PTK2: variants seen among roughly 807,000 people sequenced by gnomAD.
PTK2 encodes protein tyrosine kinase 2.
Under a neutral mutation model 150.1 loss-of-function variants are expected in PTK2, and 45 were observed. The ratio of observed to expected loss-of-function variants is 0.30; its 90% CI spans 0.24 to 0.38. The LOEUF (loss-of-function observed/expected upper bound fraction) is 0.38, where lower values mean the gene tolerates loss of function less well. Among genes scored for constraint, PTK2 ranks in the 10% least tolerant of loss-of-function variants. The pLI is 1.00. For synonymous variants in PTK2, 432 were observed against 449.2 expected (o/e 0.96, Z 0.48); for missense variants, 919 against 1,307.3 (o/e 0.70, Z 4.58).
intron 3 of PTK2, 123 bp from the exon 4 acceptor site, chr8:140,879,760 T>A: frequency 1.3e-6 from 1 of 792,602 alleles, no homozygotes; most frequent in East Asian, 3.3e-5. Context: ...TAATGCAATG[T>A]TCATTTCTTT....
intron 16 of PTK2, among the ~76,000 whole-genome samples, chr8:140,755,805 G>A (rs2100065340): frequency 6.6e-6 from 1 of 152,068 alleles, no homozygotes; most frequent in Non-Finnish European, 1.5e-5. Flanking sequence ...CTTAAATAAA[G>A]TATCCAATGG....
chr8:140,730,953 A>ACCC lies in PTK2; in HGVS notation c.2030+4295_2030+4297dup, dbSNP rs10713091. 6.4e-4 allele frequency among the ~76,000 whole-genome samples: 62 copies of ACCC among 96,638 alleles called. 2 individuals are homozygous for ACCC. The highest frequency in any genetic ancestry group is 9.0e-4 in the African/African-American group (24 of 26,552). The allele number at this position is 96,638 out of a possible 152,430, so 63.4% of individuals were successfully genotyped here. A position where few individuals can be genotyped will look rare whatever the true frequency, so the allele number is the denominator to read the frequency against. On this transcript the variant is annotated intron_variant, in intron 22 of 31. Transcript: ENST00000522684. ...CTGAAGTAACCAGGAATTAAATTAA[A>ACCC]CCCCCCCCCCCCTTTTTTTTTTGAG... is the stretch of plus-strand genomic sequence containing the variant.
At chr8:140,761,016 T>C in intron 16 of PTK2, 149 bp downstream of exon 19, 2 of 587,852 alleles carry the variant, frequency 3.4e-6, no homozygotes, top group South Asian at 4.9e-5. Context: ...ATACGCCAAG[T>C]ATAAGCTGAC....
chr8:140,797,264 T>C lies in PTK2; in HGVS notation c.1093+3195A>G, dbSNP rs2100092217. Reference sequence around the variant, plus strand: ...CACTGGACATTTGTGTGTACATTCCTCTTTTTTATACTAGGTTGTCTTTTA... The same window carrying C: ...CACTGGACATTTGTGTGTACATTCCCCTTTTTTATACTAGGTTGTCTTTTA... On this transcript the variant is annotated intron_variant, in intron 12 of 31. Transcript: ENST00000522684. 2.0e-5 allele frequency among the ~76,000 whole-genome samples: 3 copies of C among 152,210 alleles called. No individual in the cohort carries two copies. The South Asian group carries it at 6.2e-4, about 31-fold the overall frequency.
At position 140,668,299 on chromosome 8, in the gene PTK2, G is replaced by A. The variant is rs55965948; in HGVS notation, c.2835C>T (p.Ala945=). 522 of 1,614,070 alleles carry A rather than the reference G, an allele frequency of 3.2e-4. 5 individuals are homozygous for A. In the East Asian group the frequency reaches 8.4e-3, roughly 26 times the overall value. Residue 945 remains alanine, a synonymous_variant, in exon 30 of 32, where the codon GCC becomes GCT. Transcript: ENST00000522684. ...CCATAGGGACATACTCCTCTGGTGG[G>A]GCTGGCTGGATTTTACTGGACATCT...
chr8:140,890,955 C>T (rs574671198), intron 2 of PTK2, among the ~76,000 whole-genome samples, 186 bp from the exon 3 acceptor site: 5 of 151,862 alleles, frequency 3.3e-5, no homozygotes, highest in Non-Finnish European at 7.4e-5. Context: ...CAGAGTAGGA[C>T]CTGATTTACA....
At chr8:140,809,665 G>A (rs2100100262) in intron 10 of PTK2, among the ~76,000 whole-genome samples, 1 of 152,134 alleles carries the variant, frequency 6.6e-6, no homozygotes, top group Admixed American at 6.5e-5. Flanking sequence ...AATTAGCCGA[G>A]TGTAATGGTG....
chr8:140,761,639 TA>T (rs2100069484), intron 15 of PTK2, among the ~76,000 whole-genome samples: 1 of 152,144 alleles, frequency 6.6e-6, no homozygotes, highest in African/African-American at 2.4e-5. Flanking sequence ...ATGAAGGCTA[TA>T]AAAGCACAGT....
intron 4 of PTK2, among the ~76,000 whole-genome samples, chr8:140,873,693 T>G (rs2100143920): frequency 6.6e-6 from 1 of 152,172 alleles, no homozygotes; most frequent in Non-Finnish European, 1.5e-5. Flanking sequence ...CTCGAACTCT[T>G]GACCTCAGGT....
intron 4 of PTK2, among the ~76,000 whole-genome samples, chr8:140,865,013 A>G (rs1456429377): frequency 6.6e-6 from 1 of 152,194 alleles, no homozygotes; most frequent in East Asian, 1.9e-4. Context: ...GGTTGTAACA[A>G]GTCAAACTCC....
chr8:140,884,279 G>T (rs756404200), intron 3 of PTK2, among the ~76,000 whole-genome samples: 6 of 152,002 alleles, frequency 3.9e-5, no homozygotes, highest in Non-Finnish European at 8.8e-5. Flanking sequence ...TCTTCCTCGT[G>T]CTCTGTTAGC....
intron 20 of PTK2, 74 bp from the exon 24 acceptor site, chr8:140,739,181 T>TC: frequency 3.1e-6 from 3 of 977,682 alleles, no homozygotes; most frequent in Non-Finnish European, 4.3e-6. Context: ...GCTGAGATTT[T>TC]CAGTATCAAA....
At chr8:140,750,444 C>T (rs1468696749) in intron 17 of PTK2, 1 of 152,164 alleles carries the variant, frequency 6.6e-6, no homozygotes, top group Non-Finnish European at 1.5e-5. Context: ...GCAATAATCA[C>T]TTGTAAACAA....
chr8:140,998,951 T>A (rs745310778), intron 1 of PTK2, among the ~76,000 whole-genome samples: 2 of 152,076 alleles, frequency 1.3e-5, no homozygotes. Context: ...TCAAGAAGCA[T>A]GGTGCTTTTC....
chr8:140,735,581 A>T, intron 21 of PTK2, 126 bp from the exon 25 acceptor site: 1 of 768,422 alleles, frequency 1.3e-6, no homozygotes, highest in South Asian at 1.6e-5. Flanking sequence ...ATTATCTACC[A>T]AAGCAGCATT....
chr8:140,826,304 G>A (rs1178520466), intron 8 of PTK2, among the ~76,000 whole-genome samples: 1 of 152,156 alleles, frequency 6.6e-6, no homozygotes, highest in African/African-American at 2.4e-5. Flanking sequence ...TATTATAGTT[G>A]TTACCCCCAT....
chr8:140,695,686 G>C (rs1019064843), intron 26 of PTK2, among the ~76,000 whole-genome samples: 1 of 152,156 alleles, frequency 6.6e-6, no homozygotes, highest in Non-Finnish European at 1.5e-5. Flanking sequence ...ACAGGCATGA[G>C]CCACAGTGCC....
intron 2 of PTK2, among the ~76,000 whole-genome samples, chr8:140,906,652 G>T (rs921961139): frequency 3.9e-5 from 6 of 152,182 alleles, no homozygotes; most frequent in African/African-American, 1.4e-4. Flanking sequence ...GTGGTTACCA[G>T]AGGCTGGGAA....
At chr8:140,769,737 C>A in intron 14 of PTK2, 145 bp from the exon 16 acceptor site, 1 of 380,812 alleles carries the variant, frequency 2.6e-6, no homozygotes. Context: ...CAATTACCCC[C>A]CAGGGTTTAA....
Sources: allele counts gnomAD v4.1 joint callset (sites outside exome capture counted in the v4.1 genomes callset), GRCh38; gene constraint gnomAD v4.1.1; transcripts MANE v1.5; gene names NCBI Gene and HGNC (gene_info 2026-07-23, HGNC 2026-07-21).